The following CCDC197 variants were observed in gnomAD, a reference collection of about 807,000 sequenced individuals.
The protein encoded by CCDC197 is coiled-coil domain containing 197, also known as uncharacterized protein CCDC197.
CCDC197 carries 24 observed loss-of-function variants against 13.4 expected under a neutral mutation model. The observed-to-expected ratio is 1.80, with a 90% CI of 1.30 to 2.53. The LOEUF (loss-of-function observed/expected upper bound fraction) is 2.53. Ranked by LOEUF, CCDC197 falls within the 30% of genes most tolerant of loss-of-function variation. The pLI is 0.00. For synonymous variants in CCDC197, 99 were observed against 55.5 expected (o/e 1.78, Z -3.48); for missense variants, 255 against 148.8 (o/e 1.71, Z -3.71).
chr14:93,997,939 G>A, intron 1 of CCDC197, 60 bp from the exon 2 acceptor site: 1 of 594,330 alleles, frequency 1.7e-6, no homozygotes, highest in South Asian at 2.0e-5. Context: ...ATCCAGTCCT[G>A]CCAGATGACC....
At chr14:94,000,209 T>C (rs1339233064) in intron 3 of CCDC197, among the ~76,000 whole-genome samples, 4 of 152,200 alleles carry the variant, frequency 2.6e-5, no homozygotes, top group Non-Finnish European at 5.9e-5. Flanking sequence ...ATAATAATTA[T>C]TACCATTTAT....
chr14:93,988,348 AGGAG>A, intron 1 of CCDC197, among the ~76,000 whole-genome samples: 1 of 67,878 alleles, frequency 1.5e-5, no homozygotes, highest in African/African-American at 6.4e-5. Context: ...AGCAGATGGG[AGGAG>A]GGAGAGGAGG....
intron 5 of CCDC197, 107 bp from the exon 6 acceptor site, chr14:94,004,748 G>T: frequency 1.6e-6 from 1 of 642,112 alleles, no homozygotes; most frequent in Non-Finnish European, 2.8e-6. Context: ...CACTCCCAGT[G>T]TCCCAGCTCT....
chr14:94,003,030 A>T lies in CCDC197; in HGVS notation c.367-193A>T, dbSNP rs1031322617. 6.6e-6 allele frequency among the ~76,000 whole-genome samples: 1 copy of T among 151,994 alleles called. No individual in the cohort carries two copies. Among genetic ancestry groups the T allele is most frequent in the East Asian group, 1.9e-4 (1 of 5,180 alleles). ...ACTCCCCTTTATAAAATTATCAGGAACTGGGGCTCAGGTAAACTCCATCAG... is the reference window on the plus strand; with the variant it reads ...ACTCCCCTTTATAAAATTATCAGGATCTGGGGCTCAGGTAAACTCCATCAG... On this transcript the variant is annotated intron_variant, in intron 4 of 6. Transcript: ENST00000636493. This position sits in a 1 kb window ranked among gnomAD's most constrained non-coding sequence, Gnocchi z 5.0.
rs370691702 is a variant in CCDC197 at position 93,999,730 on chromosome 14, G to A, written c.187+65G>A. 5.3e-4 allele frequency: 407 copies of A among 773,378 alleles called. No homozygotes were observed. In the African/African-American group the frequency reaches 5.8e-3, roughly 11 times the overall value. 47.9% of individuals were successfully genotyped at this position (773,378 alleles called of 1,614,324 possible). On this transcript the variant is annotated intron_variant, in intron 3 of 6. Transcript: ENST00000636493. ...AGCCACCTACTGGCTGCAGGACTGC[G>A]ACACCGTGTGTGGCCTCATGGAGCC...
downstream of CCDC197, chr14:94,008,913 G>T: frequency 1.6e-6 from 1 of 621,294 alleles, no homozygotes; most frequent in Admixed American, 2.4e-5. Flanking sequence ...GAGAGAGTCT[G>T]GGGGCATTGA....
chr14:94,005,322 C>T (rs1023427677), intron 6 of CCDC197, among the ~76,000 whole-genome samples: 1 of 152,240 alleles, frequency 6.6e-6, no homozygotes, highest in African/African-American at 2.4e-5. Context: ...GAGACATACA[C>T]AGACACACCT....
upstream of CCDC197, among the ~76,000 whole-genome samples, chr14:93,993,074 C>T (rs1283636172): frequency 2.0e-5 from 3 of 152,194 alleles, no homozygotes; most frequent in Non-Finnish European, 4.4e-5. Flanking sequence ...CACCCTCTCA[C>T]CTCTTCCCAC....
upstream of CCDC197, among the ~76,000 whole-genome samples, chr14:93,994,209 C>T (rs1890249063): frequency 6.6e-6 from 1 of 152,162 alleles, no homozygotes; most frequent in African/African-American, 2.4e-5. Flanking sequence ...CGCAAGAGTC[C>T]ACATTTGGCT....
At chr14:93,993,137 T>C (rs1160843848), upstream of CCDC197, among the ~76,000 whole-genome samples, 1 of 152,152 alleles carries the variant, frequency 6.6e-6, no homozygotes, top group Non-Finnish European at 1.5e-5. Context: ...GCTCCTGTGC[T>C]CTTGCATTAG....
chr14:94,006,073 G>C (rs558906814), intron 6 of CCDC197, among the ~76,000 whole-genome samples: 1 of 152,282 alleles, frequency 6.6e-6, no homozygotes, highest in African/African-American at 2.4e-5. Flanking sequence ...TCGAAGAACT[G>C]CCAAACTCTT....
At chr14:94,000,392 G>C (rs1033621721) in intron 3 of CCDC197, among the ~76,000 whole-genome samples, 23 of 152,092 alleles carry the variant, frequency 1.5e-4, no homozygotes, top group Middle Eastern at 3.4e-3. Context: ...CATAGCCACT[G>C]TACTAAGTGC....
chr14:93,992,721 C>T (rs369647180), upstream of CCDC197, among the ~76,000 whole-genome samples: 1 of 152,204 alleles, frequency 6.6e-6, no homozygotes, highest in Admixed American at 6.5e-5. Context: ...CACGGGAAGG[C>T]CCTGTCTTGG....
At position 94,008,765 on chromosome 14, in the gene CCDC197, A is replaced by T; in HGVS notation, c.772A>T (p.Thr258Ser). 1.4e-6 allele frequency: 1 copy of T among 702,216 alleles called. No homozygotes were observed. The highest frequency in any genetic ancestry group is 1.5e-5 in the South Asian group (1 of 67,564). The allele number at this position is 702,216 out of a possible 1,614,324, so 43.5% of individuals were successfully genotyped here. ...CPRRRVSTPR[T>S]PFPSPHASEC... is the part of the protein sequence containing the mutation. ...AAGGAGGCGGGTTTCCACCCCCAGGACCCCCTTTCCCAGCCCCCATGCTTC... is the reference window on the plus strand; with the variant it reads ...AAGGAGGCGGGTTTCCACCCCCAGGTCCCCCTTTCCCAGCCCCCATGCTTC... The change falls in exon 7 of 7, where the codon ACC becomes TCC. Residue 258 changes from threonine (T) to serine (S), a missense_variant. Physicochemically the swap from Thr to Ser is moderately conservative, Grantham distance 58 (BLOSUM62 1). Coordinates refer to ENST00000636493, the MANE Select transcript of CCDC197 (RefSeq NM_001351596.2).
chr14:94,003,165 C>A lies in CCDC197; in HGVS notation c.367-58C>A. The A allele has an allele frequency of 2.7e-6, 2 of 750,844 alleles. No homozygotes were observed. Among genetic ancestry groups the A allele is most frequent in the South Asian group, 2.9e-5 (2 of 69,942 alleles). 46.5% of individuals were successfully genotyped at this position (750,844 alleles called of 1,614,324 possible). A position where few individuals can be genotyped will look rare whatever the true frequency, so the allele number is the denominator to read the frequency against. On this transcript the variant is annotated intron_variant, in intron 4 of 6. Coordinates refer to ENST00000636493, the MANE Select transcript of CCDC197 (RefSeq NM_001351596.2). The surrounding 1 kb of genome is among the most constrained non-coding windows in gnomAD (Gnocchi z 5.0). ...CACAGACCACCCTGGGGACTCAGACCAGGGCATATGCCCTGGAGGGTTTGT... is the reference window on the plus strand; with the variant it reads ...CACAGACCACCCTGGGGACTCAGACAAGGGCATATGCCCTGGAGGGTTTGT...
At chr14:94,009,366 G>A (rs759231074), downstream of CCDC197, among the ~76,000 whole-genome samples, 4 of 152,150 alleles carry the variant, frequency 2.6e-5, no homozygotes, top group Non-Finnish European at 4.4e-5. Context: ...TGCCTGAAAT[G>A]GTTGGTACTC....
intron 5 of CCDC197, 96 bp from the exon 6 acceptor site, chr14:94,004,759 G>A (rs923872954): frequency 1.5e-6 from 1 of 662,500 alleles, no homozygotes; most frequent in African/African-American, 1.8e-5. Flanking sequence ...TCCCAGCTCT[G>A]TCCACGACAC....
At chr14:93,996,796 C>G (rs1890326655), upstream of CCDC197, among the ~76,000 whole-genome samples, 1 of 152,206 alleles carries the variant, frequency 6.6e-6, no homozygotes, top group Admixed American at 6.5e-5. Context: ...CCTCCCCACC[C>G]CACCTTCCCC....
intron 4 of CCDC197, 97 bp downstream of exon 4, chr14:94,001,420 G>C: frequency 1.7e-6 from 1 of 579,838 alleles, no homozygotes; most frequent in East Asian, 3.0e-5. Flanking sequence ...GGCCTAGAGG[G>C]AGCAGCGGCG....
Sources: gnomAD v4.1 joint callset for allele counts (sites outside exome capture counted in the v4.1 genomes callset) on GRCh38, gnomAD v4.1.1 for gene constraint, Gnocchi (gnomAD v3.1) non-coding constraint, MANE v1.5 for transcripts, NCBI Gene and HGNC (gene_info 2026-07-23, HGNC 2026-07-21) for gene names.